Variants in TBC1D5 observed in about 807,000 individuals in gnomAD.
TBC1D5 encodes TBC1 domain family member 5.
Under a neutral mutation model 100.3 loss-of-function variants are expected in TBC1D5, and 75 were observed. That is an observed-to-expected ratio of 0.75 (90% CI 0.62 to 0.91). The LOEUF (loss-of-function observed/expected upper bound fraction) is 0.91. Ranked by LOEUF, TBC1D5 falls within the 40% of genes least tolerant of loss-of-function variation. The probability of loss-of-function intolerance (pLI) is 0.00; values close to 1 mark genes in which losing one functional copy is unlikely to be tolerated. For missense variants in TBC1D5, 910 were observed against 942.4 expected (o/e 0.97, Z 0.45); for synonymous variants, 323 against 325.6 (o/e 0.99, Z 0.09).
chr3:17,240,773 G>A (rs560316345), intron 16 of TBC1D5, among the ~76,000 whole-genome samples: 4 of 152,130 alleles, frequency 2.6e-5, no homozygotes, highest in Admixed American at 2.0e-4. Flanking sequence ...AAGTTATAAT[G>A]TTGTTACCCT....
intron 15 of TBC1D5, among the ~76,000 whole-genome samples, chr3:17,281,866 C>A (rs559422546): frequency 2.0e-5 from 3 of 152,056 alleles, no homozygotes; most frequent in African/African-American, 7.2e-5. Context: ...GTGGCCATAA[C>A]CACTATATTA....
At chr3:17,455,683 C>CA (rs1349461800) in intron 3 of TBC1D5, among the ~76,000 whole-genome samples, 1 of 151,550 alleles carries the variant, frequency 6.6e-6, no homozygotes, top group Non-Finnish European at 1.5e-5. Flanking sequence ...ATAAAAATTA[C>CA]AAAAAAATTA....
intron 2 of TBC1D5, among the ~76,000 whole-genome samples, chr3:17,553,162 A>C (rs989552021): frequency 2.0e-5 from 3 of 152,180 alleles, no homozygotes; most frequent in African/African-American, 7.2e-5. Context: ...GAATGGTGTC[A>C]TGTGTCCCTG....
chr3:17,581,962 C>G lies in TBC1D5; in HGVS notation c.-36+41887G>C, dbSNP rs1348306430. Reference sequence around the variant, plus strand: ...TTCGTGATCCTTCACCTCACTCTCTCACCTCCTTCAGGTCTTTACTCACAT... The same window carrying G: ...TTCGTGATCCTTCACCTCACTCTCTGACCTCCTTCAGGTCTTTACTCACAT... On this transcript the variant is annotated intron_variant, in intron 2 of 21. Transcript: ENST00000253692. 5.9e-5 allele frequency among the ~76,000 whole-genome samples: 9 copies of G among 152,194 alleles called. No homozygotes were observed. The East Asian group carries it at 7.7e-4, about 13-fold the overall frequency.
intron 3 of TBC1D5, among the ~76,000 whole-genome samples, chr3:17,446,587 A>C (rs2094800926): frequency 6.6e-6 from 1 of 152,248 alleles, no homozygotes; most frequent in Non-Finnish European, 1.5e-5. Context: ...ATGAATCTGG[A>C]GCTACCTGAA....
intron 2 of TBC1D5, among the ~76,000 whole-genome samples, chr3:17,610,629 G>A (rs1469603149): frequency 5.3e-5 from 8 of 152,146 alleles, no homozygotes; most frequent in Non-Finnish European, 7.3e-5. Context: ...AATCTTACTT[G>A]TATGTCTCTA....
At chr3:17,380,178 A>G (rs2092890257) in intron 9 of TBC1D5, among the ~76,000 whole-genome samples, 1 of 151,950 alleles carries the variant, frequency 6.6e-6, no homozygotes. Context: ...ACCACTTAGT[A>G]TATCCACATA....
chr3:17,476,078 T>G (rs1252799220), intron 3 of TBC1D5, among the ~76,000 whole-genome samples: 1 of 152,094 alleles, frequency 6.6e-6, no homozygotes, highest in East Asian at 1.9e-4. Context: ...GAATTCTTCA[T>G]ACCTCTTGGA....
At chr3:17,716,312 T>C (rs1359251303) in intron 1 of TBC1D5, among the ~76,000 whole-genome samples, 1 of 152,154 alleles carries the variant, frequency 6.6e-6, no homozygotes, top group African/African-American at 2.4e-5. Flanking sequence ...TTTACTCAGC[T>C]GCAATATTTG....
chr3:17,455,149 CAA>C (rs531025581), intron 3 of TBC1D5, among the ~76,000 whole-genome samples: 2 of 125,090 alleles, frequency 1.6e-5, no homozygotes, highest in Admixed American at 8.1e-5. Context: ...TATCCTAAGC[CAA>C]AAAAAAAAAA....
At chr3:17,626,529 G>A (rs1406360658) in intron 1 of TBC1D5, among the ~76,000 whole-genome samples, 2 of 152,106 alleles carry the variant, frequency 1.3e-5, no homozygotes, top group East Asian at 3.8e-4. Context: ...AAAAACAAAA[G>A]CAAGTAATAG....
intron 2 of TBC1D5, among the ~76,000 whole-genome samples, chr3:17,615,404 T>C (rs536978600): frequency 2.0e-5 from 3 of 152,324 alleles, no homozygotes; most frequent in South Asian, 2.1e-4. Context: ...CCTTGTAAAA[T>C]GAGTTAGGGA....
At chr3:17,677,706 T>C (rs952123887) in intron 1 of TBC1D5, among the ~76,000 whole-genome samples, 9 of 152,304 alleles carry the variant, frequency 5.9e-5, no homozygotes, top group East Asian at 3.9e-4. Flanking sequence ...CGTATGTTTA[T>C]TGCGGCACTA....
chr3:17,610,815 G>A (rs571119626), intron 2 of TBC1D5, among the ~76,000 whole-genome samples: 77 of 152,218 alleles, frequency 5.1e-4, no homozygotes, highest in African/African-American at 1.8e-3. Context: ...TTAGAAGTTC[G>A]AGACCAGCCT....
Position 17,320,182 on chromosome 3 carries a change from G to A in TBC1D5, c.996-12048C>T, listed in dbSNP as rs2085223465. Reference sequence around the variant, plus strand: ...ACCTCAGCACTTTAGTTTAATTTAGGATCTTTGATTACAAAGAATGGCACT... The same window carrying A: ...ACCTCAGCACTTTAGTTTAATTTAGAATCTTTGATTACAAAGAATGGCACT... On this transcript the variant is annotated intron_variant, in intron 13 of 21. Coordinates refer to ENST00000253692, the Ensembl canonical transcript of TBC1D5. Among the ~76,000 whole-genome samples, 4 of 152,138 alleles carry A rather than the reference G, an allele frequency of 2.6e-5. No individual in the cohort carries two copies. The South Asian group carries it at 6.2e-4, about 24-fold the overall frequency.
At chr3:17,565,464 T>C (rs527550120) in intron 2 of TBC1D5, among the ~76,000 whole-genome samples, 4 of 152,238 alleles carry the variant, frequency 2.6e-5, no homozygotes, top group South Asian at 2.1e-4. Flanking sequence ...AAGGTAAATA[T>C]ATACATGGCT....
intron 14 of TBC1D5, among the ~76,000 whole-genome samples, chr3:17,294,225 C>T (rs2082034585): frequency 8.0e-6 from 1 of 125,508 alleles, no homozygotes; most frequent in Non-Finnish European, 1.8e-5. Context: ...TATTTATTTA[C>T]TATGTGTTTT....
At position 17,327,161 on chromosome 3, in the gene TBC1D5, T is replaced by C. The variant is rs531766432; in HGVS notation, c.996-19027A>G. Among the ~76,000 whole-genome samples, 9 of 152,312 alleles carry C rather than the reference T, an allele frequency of 5.9e-5. No individual in the cohort carries two copies. In the South Asian group the frequency reaches 1.0e-3, roughly 18 times the overall value. The stretch of plus-strand genomic sequence containing the variant: ...GCCTAATACCACTACTGTTATATTA[T>C]GGCAGTAACAAAAACAGACAAAAAT... On this transcript the variant is annotated intron_variant, in intron 13 of 21. Coordinates refer to ENST00000253692, the Ensembl canonical transcript of TBC1D5.
intron 1 of TBC1D5, among the ~76,000 whole-genome samples, chr3:17,664,359 C>T (rs1245663905): frequency 6.6e-6 from 1 of 152,084 alleles, no homozygotes; most frequent in Non-Finnish European, 1.5e-5. Context: ...TGTGAGCCAC[C>T]GTGCCTGGCC....
Sources: gnomAD v4.1 joint callset for allele counts (sites outside exome capture counted in the v4.1 genomes callset) on GRCh38, gnomAD v4.1.1 for gene constraint, MANE v1.5 for transcripts, NCBI Gene and HGNC (gene_info 2026-07-23, HGNC 2026-07-21) for gene names.